CFAP221: variants seen among roughly 807,000 people sequenced by gnomAD.
The protein encoded by CFAP221 is cilia- and flagella-associated protein 221.
CFAP221 carries 97 observed loss-of-function variants against 113.1 expected under a neutral mutation model. That is an observed-to-expected ratio of 0.86 (90% confidence interval 0.73 to 1.02). The LOEUF (loss-of-function observed/expected upper bound fraction) is 1.02. Among genes scored for constraint, CFAP221 ranks in the 50% least tolerant of loss-of-function variants. The probability of loss-of-function intolerance (pLI) is 0.00; values close to 1 mark genes in which losing one functional copy is unlikely to be tolerated. For synonymous variants in CFAP221, 331 were observed against 354.4 expected, an observed-to-expected ratio of 0.93 and a Z score of 0.74; for missense variants, 1,025 against 1,013.4, an observed-to-expected ratio of 1.01 and a Z score of -0.16.
rs1032156187 is a variant in CFAP221 at position 119,559,966 on chromosome 2, C to T, written c.366C>T (p.Thr122=). The change falls in exon 5 of 24, where the codon ACC becomes ACT. Residue 122 remains threonine, a synonymous_variant. Transcript: ENST00000413369. ...TCCCTGGCTTGTCCCTCACGGTCAC[C>T]GTTACATTTTCTCCAGATGAGTGGC... ...HLVPGLSLTV[T]VTFSPDEWRY... is the part of the protein sequence containing the mutation. 5 of 1,535,412 alleles carry T rather than the reference C, an allele frequency of 3.3e-6. No homozygotes were observed. The African/African-American group carries it at 4.1e-5, about 13-fold the overall frequency.
chr2:119,570,451 G>A (rs974599567), intron 6 of CFAP221, among the ~76,000 whole-genome samples: 1 of 152,100 alleles, frequency 6.6e-6, no homozygotes, highest in African/African-American at 2.4e-5. Flanking sequence ...TTTAGTATAT[G>A]CAACTATCAC....
intron 13 of CFAP221, among the ~76,000 whole-genome samples, chr2:119,615,351 T>A (rs1386732025): frequency 6.6e-6 from 1 of 152,220 alleles, no homozygotes. Flanking sequence ...CAAAGTCACA[T>A]GTGTTTGCTT....
At chr2:119,579,868 A>G (rs1387697845) in intron 6 of CFAP221, among the ~76,000 whole-genome samples, 2 of 152,244 alleles carry the variant, frequency 1.3e-5, no homozygotes, top group African/African-American at 4.8e-5. Context: ...AGCCCTGAGT[A>G]TCAGACTTTG....
chr2:119,562,253 CAA>C (rs10628972), intron 6 of CFAP221, 139 bp downstream of exon 6: 2,510 of 270,758 alleles, frequency 9.3e-3, no homozygotes, highest in South Asian at 0.016. Context: ...TTGTAAAAGG[CAA>C]AAAAAAAAAA....
chr2:119,652,031 A>G lies in CFAP221; in HGVS notation c.2376A>G (p.Glu792=), dbSNP rs1312371632. The G allele has an allele frequency of 3.1e-6, 5 of 1,613,542 alleles. No homozygotes were observed. The Admixed American group carries it at 6.7e-5, about 22-fold the overall frequency. The change falls in exon 23 of 24, where the codon GAA becomes GAG. Residue 792 remains glutamate, a synonymous_variant. Coordinates refer to ENST00000413369, the MANE Select transcript of CFAP221 (RefSeq NM_001271049.2). ...VMLTPEMIKV[E]FPMLNYKDIR... ...TGACTCCAGAAATGATCAAAGTGGAATTCCCTATGTTGAACTACAAGGACA... is the reference window on the plus strand; with the variant it reads ...TGACTCCAGAAATGATCAAAGTGGAGTTCCCTATGTTGAACTACAAGGACA...
rs545546948 is a variant in CFAP221 at position 119,637,247 on chromosome 2, C to G, written c.1975-1012C>G. ...AGTTGAGCCCAGAGCCCTCTCCCTA[C>G]CTTTGCCCCAGGCCCTCATCCTGGC... is the stretch of plus-strand genomic sequence containing the variant. On this transcript the variant is annotated intron_variant, in intron 19 of 23. Transcript: ENST00000413369. Among the ~76,000 whole-genome samples, 7 of 152,332 alleles carry G rather than the reference C, an allele frequency of 4.6e-5. No homozygotes were observed. The East Asian group carries it at 1.2e-3, about 25-fold the overall frequency.
At chr2:119,570,286 C>G (rs1191985630) in intron 6 of CFAP221, among the ~76,000 whole-genome samples, 2 of 152,192 alleles carry the variant, frequency 1.3e-5, no homozygotes, top group Non-Finnish European at 2.9e-5. Flanking sequence ...TTTTCATTCT[C>G]CCATGTGAAG....
intron 16 of CFAP221, 48 bp downstream of exon 16, chr2:119,627,834 G>A (rs377615276): frequency 9.3e-6 from 15 of 1,605,374 alleles, no homozygotes; most frequent in East Asian, 8.9e-5. Flanking sequence ...GATCATGATC[G>A]TGTTGGGCAG....
At chr2:119,629,015 G>A (rs1355327457) in intron 16 of CFAP221, among the ~76,000 whole-genome samples, 4 of 152,104 alleles carry the variant, frequency 2.6e-5, no homozygotes, top group African/African-American at 7.2e-5. Flanking sequence ...AAAATAGAGC[G>A]CTCAGCATTC....
chr2:119,626,171 G>A (rs1686297297), intron 15 of CFAP221, among the ~76,000 whole-genome samples: 1 of 152,070 alleles, frequency 6.6e-6, no homozygotes, highest in Non-Finnish European at 1.5e-5. Flanking sequence ...ATCTCCTTGT[G>A]TGAGTCTGAC....
intron 3 of CFAP221, among the ~76,000 whole-genome samples, chr2:119,556,521 A>T (rs1172479986): frequency 6.6e-6 from 1 of 151,496 alleles, no homozygotes; most frequent in Non-Finnish European, 1.5e-5. Flanking sequence ...CTCTAAGAAA[A>T]TCATCTAGTA....
chr2:119,591,353 A>G (rs1248949770), intron 7 of CFAP221, among the ~76,000 whole-genome samples: 1 of 152,156 alleles, frequency 6.6e-6, no homozygotes, highest in Admixed American at 6.5e-5. Flanking sequence ...TGAAGAAGTC[A>G]GGAAAAGCTG....
chr2:119,653,019 C>T (rs1688216514), intron 23 of CFAP221, among the ~76,000 whole-genome samples: 2 of 149,116 alleles, frequency 1.3e-5, no homozygotes, highest in African/African-American at 4.9e-5. Flanking sequence ...TTTAAATATA[C>T]ATTATATGGT....
chr2:119,588,989 G>A (rs894260339), intron 7 of CFAP221, among the ~76,000 whole-genome samples: 2 of 152,160 alleles, frequency 1.3e-5, no homozygotes, highest in Non-Finnish European at 2.9e-5. Flanking sequence ...TCAGGAAAGT[G>A]CAGTGCAGAA....
In CFAP221 at chr2:119,630,690, C is replaced by A. The variant is rs767238805; in HGVS notation, c.1839+13C>A. The A allele has an allele frequency of 6.2e-7, 1 of 1,606,662 alleles. No homozygotes were observed. The highest frequency in any genetic ancestry group is 1.1e-5 in the South Asian group (1 of 90,928). ...GCAAGGAGCTGAGGTAACACACCCC[C>A]ATCTTCCAGAATCTCTCTCATCTTT... On this transcript the variant is annotated intron_variant, in intron 18 of 23. Coordinates refer to ENST00000413369, the MANE Select transcript of CFAP221 (RefSeq NM_001271049.2).
intron 6 of CFAP221, among the ~76,000 whole-genome samples, chr2:119,575,474 T>G (rs1682380705): frequency 6.6e-6 from 1 of 152,298 alleles, no homozygotes; most frequent in African/African-American, 2.4e-5. Context: ...TTAAGTGCAG[T>G]TAATATTTAA....
intron 19 of CFAP221, among the ~76,000 whole-genome samples, chr2:119,636,414 G>C (rs188966422): frequency 7.2e-5 from 11 of 152,298 alleles, no homozygotes; most frequent in African/African-American, 2.4e-5. Flanking sequence ...AACTAAAGAT[G>C]ATGTACAAGA....
intron 20 of CFAP221, 21 bp from the exon 21 acceptor site, chr2:119,639,760 A>C (rs1469205278): frequency 6.3e-7 from 1 of 1,595,698 alleles, no homozygotes; most frequent in South Asian, 1.1e-5. Context: ...GTTGCTTCCC[A>C]TGTGCTGACT....
At chr2:119,646,835 A>G in intron 21 of CFAP221, 123 bp from the exon 22 acceptor site, 1 of 756,968 alleles carries the variant, frequency 1.3e-6, no homozygotes, top group East Asian at 2.9e-5. Context: ...TTCAAGAGTG[A>G]GGGAGGACAG....
Sources: allele counts gnomAD v4.1 joint callset (sites outside exome capture counted in the v4.1 genomes callset), GRCh38; gene constraint gnomAD v4.1.1; transcripts MANE v1.5; gene names NCBI Gene and HGNC (gene_info 2026-07-23, HGNC 2026-07-21).